Variants in CCSER1 observed in about 807,000 individuals in gnomAD.
The protein encoded by CCSER1 is serine-rich coiled-coil domain-containing protein 1.
A neutral mutation model predicts 82.0 loss-of-function variants in CCSER1; 41 were observed. The observed-to-expected ratio is 0.50, with a 90% CI of 0.39 to 0.65. The LOEUF is 0.65. CCSER1 is among the 30% of genes least tolerant of loss of function. The pLI, the probability that CCSER1 is intolerant of heterozygous loss-of-function variation, is 0.00. For synonymous variants in CCSER1, 414 were observed against 383.9 expected (o/e 1.08, Z -0.92); for missense variants, 1,119 against 1,064.2 (o/e 1.05, Z -0.72).
intron 9 of CCSER1, among the ~76,000 whole-genome samples, chr4:91,001,025 C>G (rs1425822839): frequency 6.6e-6 from 1 of 151,868 alleles, no homozygotes; most frequent in African/African-American, 2.4e-5. Context: ...CAGTTTTTGC[C>G]CTTTCACTTG....
intron 10 of CCSER1, among the ~76,000 whole-genome samples, chr4:91,174,182 A>T (rs1026780944): frequency 6.6e-6 from 1 of 152,174 alleles, no homozygotes; most frequent in Non-Finnish European, 1.5e-5. Context: ...AGTTAAATCA[A>T]CTGACAGCTT....
chr4:91,004,404 T>C (rs1161426801), intron 9 of CCSER1, among the ~76,000 whole-genome samples: 6 of 152,206 alleles, frequency 3.9e-5, no homozygotes, highest in African/African-American at 1.4e-4. Flanking sequence ...GCTGAACTAG[T>C]GTTTAGTGTT....
At chr4:90,264,402 C>G (rs1417186323) in intron 1 of CCSER1, among the ~76,000 whole-genome samples, 1 of 152,102 alleles carries the variant, frequency 6.6e-6, no homozygotes, top group Non-Finnish European at 1.5e-5. Flanking sequence ...TCGAGTCAGT[C>G]TAGTACTAAC....
intron 6 of CCSER1, among the ~76,000 whole-genome samples, chr4:90,653,883 T>C (rs1729225717): frequency 6.6e-6 from 1 of 152,142 alleles, no homozygotes; most frequent in Non-Finnish European, 1.5e-5. Context: ...ATTGACTCAG[T>C]TCCACAGACT....
intron 6 of CCSER1, among the ~76,000 whole-genome samples, chr4:90,701,688 C>T (rs535950650): frequency 3.0e-4 from 45 of 151,366 alleles, no homozygotes; most frequent in African/African-American, 1.1e-3. Context: ...TTTTCCTTCA[C>T]ATCCTTTGTA....
chr4:90,222,563 A>G (rs991555437), intron 1 of CCSER1, among the ~76,000 whole-genome samples: 1 of 152,204 alleles, frequency 6.6e-6, no homozygotes, highest in African/African-American at 2.4e-5. Flanking sequence ...AACAGATCAC[A>G]CAATTTACGC....
Position 91,424,001 on chromosome 4 carries a change from C to CTTTTTTTT in CCSER1, c.2218-174552_2218-174545dup, listed in dbSNP as rs1167472932. Among the ~76,000 whole-genome samples, 24 of 77,472 alleles carry CTTTTTTTT rather than the reference C, an allele frequency of 3.1e-4. 4 individuals are homozygous for CTTTTTTTT. Among genetic ancestry groups the CTTTTTTTT allele is most frequent in the African/African-American group, 9.6e-4 (18 of 18,724 alleles). The allele number at this position is 77,472 out of a possible 152,430, so 50.8% of individuals were successfully genotyped here. Reference sequence around the variant, plus strand: ...ATAACACTGTAAGAACTCAGCAGATCTTTTTTTTTTTTTTTTTTTTTTTTT... The same window carrying CTTTTTTTT: ...ATAACACTGTAAGAACTCAGCAGATCTTTTTTTTTTTTTTTTTTTTTTTTTTTTTTTTT... On this transcript the variant is annotated intron_variant, in intron 10 of 10. Coordinates refer to ENST00000509176, the MANE Select transcript of CCSER1 (RefSeq NM_001145065.2).
chr4:90,813,410 C>T (rs1260048942), intron 7 of CCSER1, among the ~76,000 whole-genome samples: 1 of 152,190 alleles, frequency 6.6e-6, no homozygotes, highest in East Asian at 1.9e-4. Flanking sequence ...GGGTATATCC[C>T]CTGCGGCTCC....
intron 10 of CCSER1, among the ~76,000 whole-genome samples, chr4:91,349,182 C>T (rs1263621588): frequency 2.0e-5 from 3 of 152,134 alleles, no homozygotes; most frequent in Non-Finnish European, 4.4e-5. Flanking sequence ...GCTGGGATTA[C>T]AGGCGTGAGA....
chr4:90,603,639 A>G (rs1242462783), intron 5 of CCSER1, among the ~76,000 whole-genome samples: 1 of 152,244 alleles, frequency 6.6e-6, no homozygotes, highest in African/African-American at 2.4e-5. Context: ...TACTTTAGTA[A>G]ATAACCTTGT....
At position 90,342,103 on chromosome 4, in the gene CCSER1, G is replaced by T. The variant is rs1741485098; in HGVS notation, c.1509+29056G>T. On this transcript the variant is annotated intron_variant, in intron 3 of 10. Transcript: ENST00000509176. Reference sequence around the variant, plus strand: ...ATAAGACAATTATTTTCTTTTAAGTGCAGTAAATGCAGGCAGTGTGTAAAA... The same window carrying T: ...ATAAGACAATTATTTTCTTTTAAGTTCAGTAAATGCAGGCAGTGTGTAAAA... Among the ~76,000 whole-genome samples, 4 of 152,134 alleles carry T rather than the reference G, an allele frequency of 2.6e-5. No individual in the cohort carries two copies. The South Asian group carries it at 8.3e-4, about 32-fold the overall frequency.
At chr4:91,271,424 C>A (rs1202341254) in intron 10 of CCSER1, among the ~76,000 whole-genome samples, 3 of 152,128 alleles carry the variant, frequency 2.0e-5, no homozygotes, top group Admixed American at 2.0e-4. Flanking sequence ...CCCTTCCCAC[C>A]CTTTCCTCCT....
chr4:90,429,613 A>G (rs1394562586), intron 4 of CCSER1, among the ~76,000 whole-genome samples: 1 of 151,884 alleles, frequency 6.6e-6, no homozygotes. Flanking sequence ...AATTGTTACA[A>G]ACTGAACTTG....
intron 5 of CCSER1, among the ~76,000 whole-genome samples, chr4:90,488,241 G>A (rs1388990798): frequency 3.9e-5 from 6 of 152,028 alleles, no homozygotes; most frequent in African/African-American, 1.4e-4. Flanking sequence ...GAGTACAGTG[G>A]CGTGATCTCA....
At chr4:91,485,944 G>A (rs1473168025) in intron 10 of CCSER1, among the ~76,000 whole-genome samples, 1 of 151,946 alleles carries the variant, frequency 6.6e-6, no homozygotes, top group Non-Finnish European at 1.5e-5. Flanking sequence ...TGAAATGAAG[G>A]TCCTCAGTAT....
intron 7 of CCSER1, among the ~76,000 whole-genome samples, chr4:90,796,415 A>AT (rs202086906): frequency 2.1e-5 from 2 of 95,656 alleles, no homozygotes; most frequent in Non-Finnish European, 4.3e-5. Flanking sequence ...ATTGTACTAA[A>AT]TTTAAAAAAA....
At position 90,923,462 on chromosome 4, in the gene CCSER1, A is replaced by G. The variant is rs1728669242; in HGVS notation, c.2172+15A>G. The G allele has an allele frequency of 1.3e-6, 2 of 1,534,670 alleles. No individual in the cohort carries two copies. Among genetic ancestry groups the G allele is most frequent in the Admixed American group, 2.0e-5 (1 of 50,888 alleles). On this transcript the variant is annotated intron_variant, in intron 9 of 10. Transcript: ENST00000509176. ...TATGCTATGATGTAAGTAGCTCTGTAAAACCATTTTTAACTTCATTATTGG... is the reference window on the plus strand; with the variant it reads ...TATGCTATGATGTAAGTAGCTCTGTGAAACCATTTTTAACTTCATTATTGG...
chr4:90,793,993 G>A (rs1755635114), intron 7 of CCSER1, among the ~76,000 whole-genome samples: 2 of 152,144 alleles, frequency 1.3e-5, no homozygotes. Flanking sequence ...CATGTCCTTT[G>A]TACACTTTTT....
At chr4:90,342,416 C>T (rs370784591) in intron 3 of CCSER1, among the ~76,000 whole-genome samples, 14 of 152,314 alleles carry the variant, frequency 9.2e-5, no homozygotes, top group African/African-American at 3.4e-4. Context: ...ACTATCCTCA[C>T]CCTTACGCCA....
Sources: allele counts gnomAD v4.1 joint callset (sites outside exome capture counted in the v4.1 genomes callset), GRCh38; gene constraint gnomAD v4.1.1; transcripts MANE v1.5; gene names NCBI Gene and HGNC (gene_info 2026-07-23, HGNC 2026-07-21).